Variants in ZNF44 observed in about 807,000 individuals in gnomAD.
The protein encoded by ZNF44 is zinc finger protein 44, also known as gonadotropin inducible transcription repressor-2.
ZNF44 carries 9 observed loss-of-function variants against 11.7 expected under a neutral mutation model. The ratio of observed to expected loss-of-function variants is 0.77; its 90% CI spans 0.46 to 1.35. The LOEUF (loss-of-function observed/expected upper bound fraction) is 1.35. Ranked by LOEUF, ZNF44 falls within the 40% of genes most tolerant of loss-of-function variation. The pLI, the probability that ZNF44 is intolerant of heterozygous loss-of-function variation, is 0.00. For synonymous variants in ZNF44, 224 were observed against 242.7 expected (o/e 0.92, Z 0.72); for missense variants, 696 against 743.1 (o/e 0.94, Z 0.74).
At chr19:12,231,526 T>C (rs999317604) in intron 2 of ZNF44, among the ~76,000 whole-genome samples, 3 of 152,148 alleles carry the variant, frequency 2.0e-5, no homozygotes, top group Admixed American at 2.0e-4. Context: ...TTAACTTCAA[T>C]TGCAACAGAT....
chr19:12,258,167 A>T (rs1917343583), intron 5 of ZNF44, among the ~76,000 whole-genome samples: 1 of 147,082 alleles, frequency 6.8e-6, no homozygotes. Context: ...CTACAAAAAA[A>T]AAAAAAAAAA....
chr19:12,250,832 G>A (rs1354566398), intron 5 of ZNF44: 1 of 456,076 alleles, frequency 2.2e-6, no homozygotes, highest in Non-Finnish European at 4.4e-6. Context: ...GAGGCACGTG[G>A]AAATCAAACT....
chr19:12,257,157 A>C (rs1239373019), intron 5 of ZNF44, among the ~76,000 whole-genome samples: 1 of 152,226 alleles, frequency 6.6e-6, no homozygotes, highest in African/African-American at 2.4e-5. Context: ...TCAAAGGTGA[A>C]GGTAAACTGC....
chr19:12,239,731 A>G (rs1336987593), upstream of ZNF44, among the ~76,000 whole-genome samples: 1 of 150,632 alleles, frequency 6.6e-6, no homozygotes, highest in Non-Finnish European at 1.5e-5. Flanking sequence ...ATGCCACCAC[A>G]CGCAGCTAAT....
Position 12,294,813 on chromosome 19 carries a change from G to C in ZNF44, c.-119C>G, listed in dbSNP as rs1332720107. The C allele has an allele frequency of 9.0e-6, 11 of 1,227,890 alleles. No homozygotes were observed. The highest frequency in any genetic ancestry group is 1.2e-5 in the Non-Finnish European group (11 of 907,540). 76.1% of individuals were successfully genotyped at this position (1,227,890 alleles called of 1,614,324 possible). A position where few individuals can be genotyped will look rare whatever the true frequency, so the allele number is the denominator to read the frequency against. The stretch of plus-strand genomic sequence containing the variant: ...TCTCAGTGACAGAATACGGAACAGA[G>C]GTCACCAGGGTGAAGAGGCCACTAG... On this transcript the variant is annotated 5_prime_UTR_variant, in exon 1 of 4. Transcript: ENST00000355684.
chr19:12,266,953 G>A (rs778231022), downstream of ZNF44, among the ~76,000 whole-genome samples: 6 of 152,158 alleles, frequency 3.9e-5, no homozygotes, highest in Non-Finnish European at 7.3e-5. Flanking sequence ...ATGTCCTCCA[G>A]GGGTCAGGAA....
chr19:12,256,915 C>T (rs1324684005), intron 5 of ZNF44, among the ~76,000 whole-genome samples: 1 of 151,988 alleles, frequency 6.6e-6, no homozygotes, highest in Non-Finnish European at 1.5e-5. Context: ...GCCATGTTGG[C>T]CAGGCTGGTC....
At chr19:12,268,157 C>CACACACACAG (rs1010882776), downstream of ZNF44, among the ~76,000 whole-genome samples, 2 of 142,784 alleles carry the variant, frequency 1.4e-5, no homozygotes, top group Non-Finnish European at 3.1e-5. Context: ...CACACACACA[C>CACACACACAG]ACACACACAC....
At chr19:12,248,896 CTTTT>C (rs372194020) in intron 7 of ZNF44, among the ~76,000 whole-genome samples, 5 of 138,632 alleles carry the variant, frequency 3.6e-5, no homozygotes, top group Non-Finnish European at 8.0e-5. Flanking sequence ...ATGGGTTTCT[CTTTT>C]TTTTTTTTTT....
downstream of ZNF44, among the ~76,000 whole-genome samples, chr19:12,246,483 C>A (rs765811589): frequency 2.1e-4 from 32 of 152,136 alleles, no homozygotes; most frequent in Non-Finnish European, 4.1e-4. Flanking sequence ...AAAGCCAATA[C>A]CTGCCACAGG....
At chr19:12,285,332 T>C (rs1051575348) in intron 1 of ZNF44, 4 of 201,216 alleles carry the variant, frequency 2.0e-5, no homozygotes, top group Non-Finnish European at 4.0e-5. Context: ...CTCGGCTCAC[T>C]GCAACCTCCA....
At position 12,271,848 on chromosome 19, in the gene ZNF44, ATAGAG is replaced by A. The variant is rs1966958388; in HGVS notation, c.*554_*558del. The stretch of plus-strand genomic sequence containing the variant: ...GATATTTTAATTAATCTAGACATTT[ATAGAG>A]TATACAGGAGAATGTGGGTAGGTAC... On this transcript the variant is annotated 3_prime_UTR_variant, in exon 4 of 4. Transcript: ENST00000355684. 6.6e-6 allele frequency: 1 copy of A among 152,206 alleles called. No homozygotes were observed. The highest frequency in any genetic ancestry group is 1.5e-5 in the Non-Finnish European group (1 of 68,056). 9.4% of individuals were successfully genotyped at this position (152,206 alleles called of 1,614,324 possible). A position where few individuals can be genotyped will look rare whatever the true frequency, so the allele number is the denominator to read the frequency against.
At chr19:12,257,108 T>C (rs1394928283) in intron 5 of ZNF44, among the ~76,000 whole-genome samples, 3 of 152,172 alleles carry the variant, frequency 2.0e-5, no homozygotes, top group Non-Finnish European at 4.4e-5. Context: ...CTACTGAGGT[T>C]CCCTGAATAG....
chr19:12,266,409 A>C, intron 5 of ZNF44: 2 of 925,956 alleles, frequency 2.2e-6, no homozygotes, highest in South Asian at 5.0e-5. Flanking sequence ...GAGGGCGCCA[A>C]GGCGAGAGGG....
chr19:12,257,868 G>A (rs1485326079), intron 5 of ZNF44, among the ~76,000 whole-genome samples: 1 of 151,456 alleles, frequency 6.6e-6, no homozygotes, highest in Admixed American at 6.6e-5. Context: ...CTACTCGGGA[G>A]GCCAAGGCAG....
chr19:12,292,195 G>A (rs1359849099), intron 1 of ZNF44, among the ~76,000 whole-genome samples: 2 of 151,564 alleles, frequency 1.3e-5, no homozygotes, highest in Non-Finnish European at 2.9e-5. Flanking sequence ...GGGCATGGTG[G>A]GCATTCCCAG....
intron 1 of ZNF44, among the ~76,000 whole-genome samples, chr19:12,236,870 G>A (rs1030124580): frequency 1.3e-5 from 2 of 152,156 alleles, no homozygotes; most frequent in Admixed American, 1.3e-4. Flanking sequence ...ACTTGACTTA[G>A]AATAAAACGC....
intron 1 of ZNF44, among the ~76,000 whole-genome samples, chr19:12,283,007 T>A (rs939859647): frequency 9.2e-5 from 14 of 152,224 alleles, no homozygotes; most frequent in African/African-American, 2.7e-4. Flanking sequence ...CAGCTTCTCC[T>A]AAACTTTCTC....
At chr19:12,230,597 C>T (rs2459019) in intron 2 of ZNF44, 9,288 of 152,256 alleles carry the variant, frequency 0.061, 963 homozygotes, top group African/African-American at 0.21. Flanking sequence ...CCAGAGACCT[C>T]CAGGATCCAG....
Sources: gnomAD v4.1 joint callset for allele counts (sites outside exome capture counted in the v4.1 genomes callset) on GRCh38, gnomAD v4.1.1 for gene constraint, MANE v1.5 for transcripts, NCBI Gene and HGNC (gene_info 2026-07-23, HGNC 2026-07-21) for gene names.